RSPO2: variants seen among roughly 807,000 people sequenced by gnomAD.
RSPO2 encodes R-spondin 2.
Under a neutral mutation model 30.9 loss-of-function variants are expected in RSPO2, and 14 were observed. The ratio of observed to expected loss-of-function variants is 0.45; its 90% CI spans 0.30 to 0.71. The LOEUF (loss-of-function observed/expected upper bound fraction) is 0.71, where lower values mean the gene tolerates loss of function less well. RSPO2 is among the 30% of genes least tolerant of loss of function. RSPO2 has a pLI of 0.08. For missense variants in RSPO2, 264 were observed against 301.9 expected, an observed-to-expected ratio of 0.87 and a Z score of 0.93; for synonymous variants, 107 against 96.4, an observed-to-expected ratio of 1.11 and a Z score of -0.64.
chr8:108,079,471 A>G (rs1295854588), intron 2 of RSPO2, among the ~76,000 whole-genome samples: 1 of 152,164 alleles, frequency 6.6e-6, no homozygotes, highest in East Asian at 1.9e-4. Context: ...TCGTCTGGCT[A>G]TATTTTGAAA....
intron 2 of RSPO2, among the ~76,000 whole-genome samples, chr8:108,065,234 C>G (rs924524794): frequency 3.0e-4 from 43 of 145,380 alleles, no homozygotes; most frequent in Non-Finnish European, 5.4e-4. Flanking sequence ...AACCACGTGG[C>G]ACATGTATAC....
chr8:107,955,312 A>G (rs984063064), intron 5 of RSPO2, among the ~76,000 whole-genome samples: 4 of 152,160 alleles, frequency 2.6e-5, no homozygotes, highest in Non-Finnish European at 4.4e-5. Context: ...CACATGAGGA[A>G]ATGGAGGCCA....
chr8:107,952,796 C>T (rs1813299174), intron 5 of RSPO2, among the ~76,000 whole-genome samples: 1 of 152,104 alleles, frequency 6.6e-6, no homozygotes, highest in Non-Finnish European at 1.5e-5. Context: ...CACGAAAAAA[C>T]ATAGGTTTGG....
chr8:107,923,642 A>G (rs1442238006), intron 5 of RSPO2, among the ~76,000 whole-genome samples: 1 of 152,202 alleles, frequency 6.6e-6, no homozygotes, highest in East Asian at 1.9e-4. Flanking sequence ...AGCACTATTC[A>G]CAACAGCCAA....
At chr8:107,954,605 T>TTTATTTATTTATTTA (rs559227021) in intron 5 of RSPO2, among the ~76,000 whole-genome samples, 783 of 39,800 alleles carry the variant, frequency 0.02, 11 homozygotes, top group African/African-American at 0.032. Context: ...TATTTATTTA[T>TTTATTTATTTATTTA]TTTATTTATT....
At chr8:107,958,468 C>T (rs117520716) in intron 4 of RSPO2, among the ~76,000 whole-genome samples, 200 bp from the exon 5 acceptor site, 2 of 151,870 alleles carry the variant, frequency 1.3e-5, no homozygotes, top group African/African-American at 4.8e-5. Flanking sequence ...ATATTTCTAT[C>T]AAAAAAAAGC....
intron 2 of RSPO2, among the ~76,000 whole-genome samples, chr8:107,994,211 A>T (rs1814940320): frequency 6.6e-6 from 1 of 152,118 alleles, no homozygotes; most frequent in South Asian, 2.1e-4. Flanking sequence ...GCATTTATCT[A>T]AGTATATTTG....
chr8:107,971,724 A>C (rs1055663737), intron 3 of RSPO2, among the ~76,000 whole-genome samples: 2 of 152,146 alleles, frequency 1.3e-5, no homozygotes, highest in African/African-American at 4.8e-5. Context: ...TCTTTCAAAA[A>C]CACACATTTT....
At chr8:107,964,592 T>C (rs1334334954) in intron 3 of RSPO2, among the ~76,000 whole-genome samples, 1 of 152,122 alleles carries the variant, frequency 6.6e-6, no homozygotes, top group Non-Finnish European at 1.5e-5. Context: ...GGTCTCCTAC[T>C]TGATGTGCTT....
chr8:107,989,561 T>C (rs1426701367), intron 2 of RSPO2: 2 of 248,098 alleles, frequency 8.1e-6, no homozygotes, highest in Non-Finnish European at 1.5e-5. Flanking sequence ...GAAATATTTA[T>C]GTGAAGATCT....
intron 2 of RSPO2, among the ~76,000 whole-genome samples, chr8:108,015,903 A>T (rs1810875459): frequency 6.6e-6 from 1 of 152,208 alleles, no homozygotes; most frequent in Non-Finnish European, 1.5e-5. Context: ...ATAAGACGCC[A>T]ACTATCGGCA....
intron 5 of RSPO2, among the ~76,000 whole-genome samples, chr8:107,917,904 G>C (rs1218090749): frequency 6.6e-6 from 1 of 152,116 alleles, no homozygotes; most frequent in African/African-American, 2.4e-5. Context: ...ACAGACAATT[G>C]TTGTCTTGTT....
chr8:107,955,078 G>C (rs1403615324), intron 5 of RSPO2, among the ~76,000 whole-genome samples: 1 of 152,150 alleles, frequency 6.6e-6, no homozygotes, highest in African/African-American at 2.4e-5. Flanking sequence ...GCTGAAAGCT[G>C]CTGGATGTGG....
At chr8:107,921,028 T>C (rs952705457) in intron 5 of RSPO2, among the ~76,000 whole-genome samples, 4 of 152,028 alleles carry the variant, frequency 2.6e-5, no homozygotes, top group Non-Finnish European at 5.9e-5. Context: ...AGAAAAATAT[T>C]TGAAAGGCAG....
intron 5 of RSPO2, among the ~76,000 whole-genome samples, chr8:107,952,820 C>A (rs941874549): frequency 6.6e-6 from 1 of 152,194 alleles, no homozygotes; most frequent in Non-Finnish European, 1.5e-5. Flanking sequence ...AGTCTTACTA[C>A]TACTACCTTT....
chr8:107,963,870 T>C (rs1444407563), intron 3 of RSPO2, among the ~76,000 whole-genome samples: 1 of 152,156 alleles, frequency 6.6e-6, no homozygotes, highest in Non-Finnish European at 1.5e-5. Flanking sequence ...TTTTTCATAT[T>C]TGAGTGCATG....
At chr8:107,912,152 G>T (rs1811846303) in intron 5 of RSPO2, among the ~76,000 whole-genome samples, 1 of 152,106 alleles carries the variant, frequency 6.6e-6, no homozygotes. Context: ...TTTTTCAGCT[G>T]AGTCAGAAAA....
At chr8:108,047,314 T>G (rs1811934149) in intron 2 of RSPO2, among the ~76,000 whole-genome samples, 1 of 152,234 alleles carries the variant, frequency 6.6e-6, no homozygotes, top group Non-Finnish European at 1.5e-5. Context: ...CCTTCATATG[T>G]CAGAGGCCAT....
chr8:107,991,858 T>G (rs1011232577), intron 2 of RSPO2, among the ~76,000 whole-genome samples: 6 of 152,162 alleles, frequency 3.9e-5, no homozygotes, highest in African/African-American at 1.4e-4. Context: ...CCAGTCAGAA[T>G]AGCTATTATT....
Sources: allele counts gnomAD v4.1 joint callset (sites outside exome capture counted in the v4.1 genomes callset), GRCh38; gene constraint gnomAD v4.1.1; transcripts MANE v1.5; gene names NCBI Gene and HGNC (gene_info 2026-07-23, HGNC 2026-07-21).